Variants in KLHL29 observed in about 807,000 individuals in gnomAD.
The protein encoded by KLHL29 is kelch-like protein 29.
A neutral mutation model predicts 80.4 loss-of-function variants in KLHL29; 21 were observed. That is an observed-to-expected ratio of 0.26 (90% CI 0.19 to 0.38). KLHL29 has a LOEUF of 0.38. Among genes scored for constraint, KLHL29 ranks in the 10% least tolerant of loss-of-function variants. The pLI is 1.00. For missense variants in KLHL29, 867 were observed against 1,223.9 expected, an observed-to-expected ratio of 0.71 and a Z score of 4.35; for synonymous variants, 511 against 526.8, an observed-to-expected ratio of 0.97 and a Z score of 0.41.
chr2:23,572,867 A>T (rs1442574374), intron 3 of KLHL29, among the ~76,000 whole-genome samples: 1 of 152,094 alleles, frequency 6.6e-6, no homozygotes, highest in Non-Finnish European at 1.5e-5. Flanking sequence ...CGCCTGGCTA[A>T]TTTTTTATAT....
At chr2:23,398,623 C>T (rs878885773) in intron 1 of KLHL29, among the ~76,000 whole-genome samples, 1 of 152,226 alleles carries the variant, frequency 6.6e-6, no homozygotes, top group Non-Finnish European at 1.5e-5. Context: ...TCAACCCTGC[C>T]GTGTTCTTCG....
rs554114321 is a variant in KLHL29, at chr2:23,637,202, T to G, written c.286-1937T>G. On this transcript the variant is annotated intron_variant, in intron 3 of 13. Coordinates refer to ENST00000486442, the MANE Select transcript of KLHL29 (RefSeq NM_052920.2). Reference sequence around the variant, plus strand: ...AGGCTCCTTCTCCCTCAGATGCCTCTGATTCCGAGGAAAGCAATTTCCTGC... The same window carrying G: ...AGGCTCCTTCTCCCTCAGATGCCTCGGATTCCGAGGAAAGCAATTTCCTGC... Among the ~76,000 whole-genome samples the G allele has an allele frequency of 2.6e-5, 4 of 152,344 alleles. No homozygotes were observed. In the South Asian group the frequency reaches 8.3e-4, roughly 32 times the overall value.
chr2:23,527,578 CAG>C (rs1666365034), intron 2 of KLHL29, among the ~76,000 whole-genome samples: 1 of 152,228 alleles, frequency 6.6e-6, no homozygotes, highest in Admixed American at 6.5e-5. Context: ...TCTCCGGGCA[CAG>C]AGCTAGAGCC....
intron 2 of KLHL29, among the ~76,000 whole-genome samples, chr2:23,546,297 TCAGATACAGGGGACCCTG>T (rs1457213510): frequency 6.6e-6 from 1 of 152,096 alleles, no homozygotes; most frequent in Non-Finnish European, 1.5e-5. Flanking sequence ...TAGTATGTCA[TCAGATACAGGGGACCCTG>T]CAGAATGAGG....
chr2:23,510,026 CA>C (rs1199430632), intron 2 of KLHL29, among the ~76,000 whole-genome samples: 1 of 152,000 alleles, frequency 6.6e-6, no homozygotes, highest in Non-Finnish European at 1.5e-5. Flanking sequence ...ATGGTCCCGG[CA>C]GAGTTAATCA....
intron 3 of KLHL29, among the ~76,000 whole-genome samples, chr2:23,602,365 G>C (rs1347704264): frequency 6.6e-6 from 1 of 152,174 alleles, no homozygotes; most frequent in Non-Finnish European, 1.5e-5. Flanking sequence ...ACTGGCTGCG[G>C]CTCCTGCACA....
chr2:23,599,116 C>A (rs528831813), intron 3 of KLHL29, among the ~76,000 whole-genome samples: 1 of 152,332 alleles, frequency 6.6e-6, no homozygotes, highest in African/African-American at 2.4e-5. Flanking sequence ...TGGTAGGTTT[C>A]TCAACCTCAG....
At chr2:23,501,391 G>A (rs1252017434) in intron 2 of KLHL29, among the ~76,000 whole-genome samples, 2 of 152,050 alleles carry the variant, frequency 1.3e-5, no homozygotes, top group Non-Finnish European at 2.9e-5. Context: ...GTGCAGGCAC[G>A]TTCCCTGAGG....
At chr2:23,525,502 T>C (rs966800829) in intron 2 of KLHL29, among the ~76,000 whole-genome samples, 8 of 152,354 alleles carry the variant, frequency 5.3e-5, no homozygotes, top group Admixed American at 3.3e-4. Context: ...GCTCTTGCCC[T>C]GTCTCCCTTC....
At chr2:23,390,214 C>T (rs965805346) in intron 1 of KLHL29, among the ~76,000 whole-genome samples, 2 of 152,180 alleles carry the variant, frequency 1.3e-5, no homozygotes, top group African/African-American at 4.8e-5. Flanking sequence ...TCAATTTTAT[C>T]GTTTGGGAGC....
chr2:23,578,750 C>T (rs6544966), intron 3 of KLHL29, among the ~76,000 whole-genome samples: 87,203 of 152,196 alleles, frequency 0.57, 25,869 homozygotes, highest in East Asian at 0.92. Context: ...TACTGAAAAA[C>T]AGCTGTGCAC....
At chr2:23,435,678 A>C (rs914867466) in intron 1 of KLHL29, among the ~76,000 whole-genome samples, 1 of 152,238 alleles carries the variant, frequency 6.6e-6, no homozygotes, top group Non-Finnish European at 1.5e-5. Flanking sequence ...CTTTCTAAAT[A>C]GTGACCACTG....
intron 1 of KLHL29, among the ~76,000 whole-genome samples, chr2:23,435,558 G>T (rs1663313947): frequency 6.6e-6 from 1 of 152,192 alleles, no homozygotes; most frequent in South Asian, 2.1e-4. Flanking sequence ...GTCAAATTCA[G>T]CTCCCAAGTT....
chr2:23,641,430 C>T (rs491421), intron 4 of KLHL29, among the ~76,000 whole-genome samples: 66,236 of 152,018 alleles, frequency 0.44, 14,741 homozygotes, highest in Middle Eastern at 0.54. Context: ...GGACCATGCC[C>T]GGCCCCGGGC....
chr2:23,630,880 G>T (rs1019484301), intron 3 of KLHL29, among the ~76,000 whole-genome samples: 2 of 152,296 alleles, frequency 1.3e-5, no homozygotes, highest in East Asian at 3.9e-4. Flanking sequence ...GGAAATCAGC[G>T]CATGCCGGCA....
intron 4 of KLHL29, among the ~76,000 whole-genome samples, chr2:23,639,524 G>A (rs1373248917): frequency 6.6e-6 from 1 of 152,208 alleles, no homozygotes; most frequent in Non-Finnish European, 1.5e-5. Flanking sequence ...CATTATCAGG[G>A]TGACTTTCAA....
At chr2:23,472,088 A>G (rs1302154132) in intron 1 of KLHL29, among the ~76,000 whole-genome samples, 1 of 133,146 alleles carries the variant, frequency 7.5e-6, no homozygotes, top group African/African-American at 2.8e-5. Context: ...AGATTCCAAA[A>G]GATACTGTCT....
chr2:23,595,520 G>T (rs987930265), intron 3 of KLHL29, among the ~76,000 whole-genome samples: 5 of 152,246 alleles, frequency 3.3e-5, no homozygotes, highest in African/African-American at 4.8e-5. Context: ...CAGGCCTGGG[G>T]CTGGACACTG....
Position 23,682,424 on chromosome 2 carries a change from C to T in KLHL29, c.941-1975C>T, listed in dbSNP as rs980854489. 9.2e-5 allele frequency among the ~76,000 whole-genome samples: 14 copies of T among 152,194 alleles called. No homozygotes were observed. Among genetic ancestry groups the T allele is most frequent in the Non-Finnish European group, 1.8e-4 (12 of 68,034 alleles). On this transcript the variant is annotated intron_variant, in intron 5 of 13. Transcript: ENST00000486442. The surrounding 1 kb of genome is among the most constrained non-coding windows in gnomAD (Gnocchi z 4.1). The stretch of plus-strand genomic sequence containing the variant: ...TGGCTTCGAGGCTCAACTCTCTGCA[C>T]GGCGCTATCTTGCCTCCCATTGGCC...
Sources: gnomAD v4.1 joint callset for allele counts (sites outside exome capture counted in the v4.1 genomes callset) on GRCh38, gnomAD v4.1.1 for gene constraint, Gnocchi (gnomAD v3.1) non-coding constraint, MANE v1.5 for transcripts, NCBI Gene and HGNC (gene_info 2026-07-23, HGNC 2026-07-21) for gene names.